Variants in GABRG3 observed in about 807,000 individuals in gnomAD.
GABRG3 encodes the protein gamma-aminobutyric acid type A receptor subunit gamma3, also known as gamma-aminobutyric acid receptor subunit gamma-3.
GABRG3 carries 25 observed loss-of-function variants against 48.8 expected under a neutral mutation model. That is an observed-to-expected ratio of 0.51 (90% CI 0.37 to 0.72). The LOEUF is 0.72. Among genes scored for constraint, GABRG3 ranks in the 30% least tolerant of loss-of-function variants. The probability of loss-of-function intolerance (pLI) is 0.00; values close to 1 mark genes in which losing one functional copy is unlikely to be tolerated. For synonymous variants in GABRG3, 227 were observed against 217.6 expected, an observed-to-expected ratio of 1.04 and a Z score of -0.38; for missense variants, 394 against 577.9, an observed-to-expected ratio of 0.68 and a Z score of 3.26.
intron 3 of GABRG3, among the ~76,000 whole-genome samples, chr15:27,228,954 G>A (rs971644872): frequency 4.6e-5 from 7 of 152,070 alleles, no homozygotes; most frequent in African/African-American, 1.7e-4. Context: ...CTTATAGATG[G>A]TAGATATTAG....
intron 5 of GABRG3, among the ~76,000 whole-genome samples, chr15:27,356,225 A>T (rs1287174049): frequency 6.6e-6 from 1 of 152,194 alleles, no homozygotes; most frequent in Non-Finnish European, 1.5e-5. Context: ...TTCAAAAAAC[A>T]GTGCCACCTG....
At chr15:27,382,760 G>A (rs368145226) in intron 5 of GABRG3, among the ~76,000 whole-genome samples, 1 of 152,234 alleles carries the variant, frequency 6.6e-6, no homozygotes, top group East Asian at 1.9e-4. Flanking sequence ...GAGGGACTGA[G>A]TATGTGGTAT....
rs983939133 is a variant in GABRG3 at position 27,527,307 on chromosome 15, A to G, written c.866-126A>G. ...ACATTAAAATTCAAAGTAACATTAC[A>G]TGAGGTATGCAGCATCAGGGATTCC... On this transcript the variant is annotated intron_variant, in intron 7 of 9. Transcript: ENST00000615808. 4.4e-6 allele frequency: 3 copies of G among 686,188 alleles called. No individual in the cohort carries two copies. In the Admixed American group the frequency reaches 8.5e-5, roughly 19 times the overall value. 42.5% of individuals were successfully genotyped at this position (686,188 alleles called of 1,614,324 possible). A position where few individuals can be genotyped will look rare whatever the true frequency, so the allele number is the denominator to read the frequency against.
At chr15:27,229,785 G>T (rs1484632184) in intron 3 of GABRG3, among the ~76,000 whole-genome samples, 1 of 152,112 alleles carries the variant, frequency 6.6e-6, no homozygotes, top group East Asian at 1.9e-4. Context: ...CTATGTGCCT[G>T]TTTTTGTACC....
intron 3 of GABRG3, among the ~76,000 whole-genome samples, chr15:27,109,421 A>G (rs1420803639): frequency 6.6e-6 from 1 of 152,180 alleles, no homozygotes; most frequent in African/African-American, 2.4e-5. Flanking sequence ...AACGCTATGT[A>G]TCTACTGTTA....
chr15:27,420,931 T>A (rs1168035488), intron 5 of GABRG3, among the ~76,000 whole-genome samples: 2 of 152,242 alleles, frequency 1.3e-5, no homozygotes, highest in African/African-American at 4.8e-5. Context: ...GACACCTTCT[T>A]ACACTCTTCA....
At chr15:27,313,302 A>G (rs1893091204) in intron 3 of GABRG3, among the ~76,000 whole-genome samples, 1 of 116,660 alleles carries the variant, frequency 8.6e-6, no homozygotes, top group African/African-American at 3.3e-5. Context: ...ATATATATAT[A>G]TATATATACC....
chr15:27,404,823 G>A (rs1887583875), intron 5 of GABRG3, among the ~76,000 whole-genome samples: 1 of 152,172 alleles, frequency 6.6e-6, no homozygotes, highest in South Asian at 2.1e-4. Flanking sequence ...GACTGGTGAG[G>A]AGTCCTTGTG....
intron 2 of GABRG3, among the ~76,000 whole-genome samples, chr15:27,003,377 C>T (rs866149477): frequency 6.6e-6 from 1 of 151,622 alleles, no homozygotes; most frequent in East Asian, 1.9e-4. Flanking sequence ...CGGCCTTCCG[C>T]AGTGTTTGTG....
intron 5 of GABRG3, among the ~76,000 whole-genome samples, chr15:27,479,919 G>A (rs1442655334): frequency 2.6e-5 from 4 of 152,208 alleles, no homozygotes. Flanking sequence ...GGGAATCCAG[G>A]AGTACAGTTG....
In GABRG3 at chr15:27,420,322, A is replaced by T. The variant is rs544165813; in HGVS notation, c.575-60328A>T. 8.5e-5 allele frequency among the ~76,000 whole-genome samples: 13 copies of T among 152,374 alleles called. No individual in the cohort carries two copies. In the South Asian group the frequency reaches 1.4e-3, roughly 17 times the overall value. On this transcript the variant is annotated intron_variant, in intron 5 of 9. Coordinates refer to ENST00000615808, the MANE Select transcript of GABRG3 (RefSeq NM_033223.5). Reference sequence around the variant, plus strand: ...CAAATGTAGCCAAATAAGTGAAATAATCCAGACACAGAAAGACAAATACTG... The same window carrying T: ...CAAATGTAGCCAAATAAGTGAAATATTCCAGACACAGAAAGACAAATACTG...
intron 3 of GABRG3, among the ~76,000 whole-genome samples, chr15:27,270,619 G>A (rs902420982): frequency 1.3e-5 from 2 of 152,130 alleles, no homozygotes; most frequent in Admixed American, 6.5e-5. Context: ...GTTGTTCCAC[G>A]GGTACAAAGT....
At chr15:27,464,432 A>G (rs1419714687) in intron 5 of GABRG3, among the ~76,000 whole-genome samples, 1 of 152,158 alleles carries the variant, frequency 6.6e-6, no homozygotes, top group Non-Finnish European at 1.5e-5. Context: ...TATTATGACT[A>G]TTGCTGCTGT....
intron 3 of GABRG3, among the ~76,000 whole-genome samples, chr15:27,243,065 T>G (rs1890174341): frequency 6.6e-6 from 1 of 152,322 alleles, no homozygotes; most frequent in East Asian, 1.9e-4. Flanking sequence ...TTACGACCCG[T>G]AGCGTTTTGA....
intron 5 of GABRG3, among the ~76,000 whole-genome samples, chr15:27,380,121 A>C (rs1274940461): frequency 1.3e-5 from 2 of 151,874 alleles, no homozygotes; most frequent in Non-Finnish European, 2.9e-5. Context: ...ATTTCTATTG[A>C]CATTTCTTCA....
chr15:27,066,666 C>A (rs1167070947), intron 3 of GABRG3, among the ~76,000 whole-genome samples: 4 of 152,090 alleles, frequency 2.6e-5, no homozygotes, highest in Non-Finnish European at 4.4e-5. Flanking sequence ...GGGCTGACCA[C>A]AGAGAGAGGC....
intron 5 of GABRG3, among the ~76,000 whole-genome samples, chr15:27,386,652 C>T (rs1895930289): frequency 6.6e-6 from 1 of 152,104 alleles, no homozygotes; most frequent in Non-Finnish European, 1.5e-5. Flanking sequence ...CCCTGCTTTC[C>T]AGGGCAGAAT....
chr15:27,153,603 C>A (rs1327817926), intron 3 of GABRG3, among the ~76,000 whole-genome samples: 2 of 152,156 alleles, frequency 1.3e-5, no homozygotes, highest in Non-Finnish European at 2.9e-5. Context: ...ATCTTCTAAT[C>A]CATGAACATG....
chr15:27,109,612 T>C (rs1897509785), intron 3 of GABRG3, among the ~76,000 whole-genome samples: 2 of 152,210 alleles, frequency 1.3e-5, no homozygotes, highest in African/African-American at 4.8e-5. Context: ...CCGGGCGCAG[T>C]GGCTCACAGC....
Sources: gnomAD v4.1 joint callset for allele counts (sites outside exome capture counted in the v4.1 genomes callset) on GRCh38, gnomAD v4.1.1 for gene constraint, MANE v1.5 for transcripts, NCBI Gene and HGNC (gene_info 2026-07-23, HGNC 2026-07-21) for gene names.